OC90: variants seen among roughly 807,000 people sequenced by gnomAD.
The protein encoded by OC90 is otoconin-90.
In OC90, 46 loss-of-function variants were observed where a neutral mutation model predicts 47.3. That is an observed-to-expected ratio of 0.97 (90% CI 0.77 to 1.24). OC90 has a LOEUF of 1.24. Ranked by LOEUF, OC90 falls within the 50% of genes most tolerant of loss-of-function variation. The pLI is 0.00. For missense variants in OC90, 688 were observed against 583.9 expected (o/e 1.18, Z -1.84); for synonymous variants, 271 against 219.5 (o/e 1.23, Z -2.07).
chr8:132,028,686 GAGAAAGAAAGAAAGAGAGAC>G (rs1211414837), intron 13 of OC90, among the ~76,000 whole-genome samples: 3 of 127,094 alleles, frequency 2.4e-5, no homozygotes, highest in Admixed American at 8.3e-5. Flanking sequence ...AAGAAAGAAA[GAGAAAGAAAGAAAGAGAGAC>G]AGAAAGAAAG....
chr8:132,045,812 C>A lies in OC90; in HGVS notation c.112+6G>T. On this transcript the variant is annotated splice_donor_region_variant and intron_variant, in intron 3 of 13. Coordinates refer to ENST00000254627, the MANE Select transcript of OC90 (RefSeq NM_001080399.3). ...TGCTCCTAAGAAAAGTTCTAAGAAT[C>A]CTTACTGATATTGTTTGGGAGTCCT... The A allele has an allele frequency of 6.6e-7, 1 of 1,511,012 alleles. No homozygotes were observed. The highest frequency in any genetic ancestry group is 1.4e-5 in the African/African-American group (1 of 72,280). The allele number at this position is 1,511,012 out of a possible 1,614,324, so 93.6% of individuals were successfully genotyped here. A position where few individuals can be genotyped will look rare whatever the true frequency, so the allele number is the denominator to read the frequency against.
At chr8:132,057,609 C>T (rs1007990084) in intron 1 of OC90, among the ~76,000 whole-genome samples, 2 of 152,168 alleles carry the variant, frequency 1.3e-5, no homozygotes, top group African/African-American at 4.8e-5. Context: ...CTTAATGCTC[C>T]TCAGCTGTAC....
chr8:132,051,298 T>C (rs1823209608), intron 2 of OC90, among the ~76,000 whole-genome samples: 1 of 152,224 alleles, frequency 6.6e-6, no homozygotes, highest in Non-Finnish European at 1.5e-5. Context: ...TTATTTTCTC[T>C]GTTCTCCTTT....
chr8:132,041,489 T>A, intron 5 of OC90, 36 bp downstream of exon 5: 4 of 1,567,376 alleles, frequency 2.6e-6, no homozygotes, highest in Non-Finnish European at 3.5e-6. Flanking sequence ...ATGAGCTCAC[T>A]TTTTTTGGTC....
In OC90 at chr8:132,045,567, G is replaced by A. The variant is rs759183194; in HGVS notation, c.112+251C>T. On this transcript the variant is annotated intron_variant, in intron 3 of 13. Transcript: ENST00000254627. The stretch of plus-strand genomic sequence containing the variant: ...TCAGCCCATTTCCTGCCTTCTCCTG[G>A]TTTCCCTTTTCAGCTGACCTTTGTC... Among the ~76,000 whole-genome samples, 247 of 152,202 alleles carry A rather than the reference G, an allele frequency of 1.6e-3. 1 individual carries two copies. Among genetic ancestry groups the A allele is most frequent in the Non-Finnish European group, 3.1e-3 (213 of 68,024 alleles).
intron 8 of OC90, among the ~76,000 whole-genome samples, chr8:132,038,174 C>G (rs929628620): frequency 1.3e-5 from 2 of 152,140 alleles, no homozygotes; most frequent in African/African-American, 4.8e-5. Context: ...AACCTGACTC[C>G]CATTTTTGGC....
intron 13 of OC90, among the ~76,000 whole-genome samples, chr8:132,025,617 A>G (rs1425242297): frequency 6.6e-6 from 1 of 152,214 alleles, no homozygotes; most frequent in Non-Finnish European, 1.5e-5. Context: ...GGAAAAAGAC[A>G]GGAAATAGTA....
Position 132,024,692 on chromosome 8 carries a change from T to A in OC90, c.1223A>T (p.Gln408Leu), listed in dbSNP as rs1349546052. Residue 408 changes from glutamine to leucine, a missense_variant, in exon 14 of 14, where the codon CAA (glutamine) becomes CTA (leucine). By Grantham distance (113) the Gln-to-Leu change is moderately radical. Transcript: ENST00000254627. ...AECMTSASFN[Q>L]SLKSPSRLGC... ...GAGTCTGCTTGGGGACTTGAGGCTT[T>A]GGTTAAAGGAGGCAGAGGTCATGCA... The A allele has an allele frequency of 3.1e-6, 5 of 1,613,592 alleles. No individual in the cohort carries two copies. The highest frequency in any genetic ancestry group is 3.4e-6 in the Non-Finnish European group (4 of 1,179,816).
intron 13 of OC90, among the ~76,000 whole-genome samples, chr8:132,028,625 G>A (rs1237075014): frequency 4.0e-5 from 4 of 100,208 alleles, no homozygotes; most frequent in East Asian, 6.5e-4. Flanking sequence ...GAGGAAGGAA[G>A]GAAGGAAGGA....
intron 2 of OC90, among the ~76,000 whole-genome samples, chr8:132,047,191 T>A (rs1823145454): frequency 1.3e-5 from 2 of 152,290 alleles, no homozygotes; most frequent in Admixed American, 6.5e-5. Flanking sequence ...ATAACAACAG[T>A]GGGTGCTTGT....
chr8:132,028,563 A>AAAGGAAGAAAGG (rs1822802132), intron 13 of OC90, among the ~76,000 whole-genome samples: 3 of 31,390 alleles, frequency 9.6e-5, no homozygotes, highest in African/African-American at 4.1e-4. Context: ...AGAAAGAAAG[A>AAAGGAAGAAAGG]AAGGAAGGAA....
chr8:132,044,296 G>A (rs542844722), intron 4 of OC90, 137 bp downstream of exon 4: 1 of 633,590 alleles, frequency 1.6e-6, no homozygotes, highest in African/African-American at 1.8e-5. Flanking sequence ...GTCGGAACTT[G>A]GGTCTCCTTG....
chr8:132,048,508 T>C (rs1280978734), intron 2 of OC90, among the ~76,000 whole-genome samples: 1 of 150,108 alleles, frequency 6.7e-6, no homozygotes, highest in Non-Finnish European at 1.5e-5. Context: ...AGTCCTGCTT[T>C]TGCCTCTTTC....
chr8:132,028,735 A>AAAGG (rs1319973928), intron 13 of OC90, among the ~76,000 whole-genome samples: 1 of 150,238 alleles, frequency 6.7e-6, no homozygotes, highest in Non-Finnish European at 1.5e-5. Context: ...AGAAAGAAAG[A>AAAGG]AAGGAAGGAA....
chr8:132,035,194 C>T (rs950059766), intron 9 of OC90, among the ~76,000 whole-genome samples: 4 of 152,170 alleles, frequency 2.6e-5, no homozygotes, highest in African/African-American at 4.8e-5. Context: ...AGCAGAATTG[C>T]GTGGTTGAAG....
rs139781048 is a variant in OC90 at position 132,039,103 on chromosome 8, G to A, written c.478C>T (p.His160Tyr). 1.2e-3 allele frequency: 1,879 copies of A among 1,610,760 alleles called. 6 individuals are homozygous for A. The Middle Eastern group carries it at 0.017, about 15-fold the overall frequency. The change falls in exon 7 of 14, where the codon CAC (histidine) becomes TAC (tyrosine). Residue 160 changes from histidine to tyrosine, a missense_variant. Transcript: ENST00000254627. Reference sequence around the variant, plus strand: ...GCCTTATCACAGGTACACAGCAGGTGCTCACAGTTGTCCTTGGACTCTGCA... The same window carrying A: ...GCCTTATCACAGGTACACAGCAGGTACTCACAGTTGTCCTTGGACTCTGCA... ...IICESKDNCE[H>Y]LLCTCDKAAI...
chr8:132,036,541 T>C (rs1288027719), intron 9 of OC90: 2 of 717,396 alleles, frequency 2.8e-6, no homozygotes, highest in African/African-American at 3.4e-5. Flanking sequence ...GATCAGGGCA[T>C]ATGGCTGCAC....
Position 132,055,092 on chromosome 8 carries a change from G to A in OC90, c.-47-19C>T. 2.3e-6 allele frequency: 3 copies of A among 1,301,078 alleles called. No homozygotes were observed. The highest frequency in any genetic ancestry group is 3.2e-6 in the Non-Finnish European group (3 of 927,434). 80.6% of individuals were successfully genotyped at this position (1,301,078 alleles called of 1,614,324 possible). Reference sequence around the variant, plus strand: ...CGGACTCCTGGGAGAGAAGCCAGCAGAATAGGATGGAAGCATTTTCAGAAT... The same window carrying A: ...CGGACTCCTGGGAGAGAAGCCAGCAAAATAGGATGGAAGCATTTTCAGAAT... On this transcript the variant is annotated intron_variant, in intron 1 of 13. Coordinates refer to ENST00000254627, the MANE Select transcript of OC90 (RefSeq NM_001080399.3).
chr8:132,029,669 C>A (rs536352100), intron 12 of OC90, among the ~76,000 whole-genome samples: 1 of 152,252 alleles, frequency 6.6e-6, no homozygotes, highest in Admixed American at 6.5e-5. Context: ...AGCAGAGTAA[C>A]CATCCTGAGC....
Sources: gnomAD v4.1 joint callset for allele counts (sites outside exome capture counted in the v4.1 genomes callset) on GRCh38, gnomAD v4.1.1 for gene constraint, MANE v1.5 for transcripts, NCBI Gene and HGNC (gene_info 2026-07-23, HGNC 2026-07-21) for gene names.